NUP205: variants seen among roughly 807,000 people sequenced by gnomAD.
NUP205 encodes the protein nuclear pore complex protein Nup205.
A neutral mutation model predicts 253.8 loss-of-function variants in NUP205; 76 were observed. The observed-to-expected ratio is 0.30, with a 90% CI of 0.25 to 0.36. The LOEUF (loss-of-function observed/expected upper bound fraction) is 0.36. NUP205 is among the 10% of genes least tolerant of loss of function. The pLI, the probability that NUP205 is intolerant of heterozygous loss-of-function variation, is 1.00. For missense variants in NUP205, 2,162 were observed against 2,425.5 expected (o/e 0.89, Z 2.28); for synonymous variants, 832 against 850.1 (o/e 0.98, Z 0.37).
At chr7:135,640,642 A>T (rs986665415) in intron 38 of NUP205, among the ~76,000 whole-genome samples, 1 of 152,172 alleles carries the variant, frequency 6.6e-6, no homozygotes, top group African/African-American at 2.4e-5. Flanking sequence ...GGAGAAGAGT[A>T]CTGACTGGTA....
At chr7:135,567,130 A>ATATG (rs1563108025) in intron 1 of NUP205, among the ~76,000 whole-genome samples, 4 of 2,424 alleles carry the variant, frequency 1.7e-3, no homozygotes, top group African/African-American at 4.9e-3. Flanking sequence ...CTATGTGTGT[A>ATATG]TATATATATA....
chr7:135,626,059 T>C (rs1794582620), intron 32 of NUP205, among the ~76,000 whole-genome samples, 181 bp from the exon 33 acceptor site: 1 of 152,196 alleles, frequency 6.6e-6, no homozygotes, highest in Non-Finnish European at 1.5e-5. Context: ...TTAGATATGT[T>C]GAACACTGAG....
intron 7 of NUP205, among the ~76,000 whole-genome samples, chr7:135,583,138 G>A (rs1223293136): frequency 6.6e-6 from 1 of 152,006 alleles, no homozygotes; most frequent in African/African-American, 2.4e-5. Context: ...CAAATCATAT[G>A]TTTTCCTCTG....
At chr7:135,583,331 C>T (rs1486964320) in intron 7 of NUP205, among the ~76,000 whole-genome samples, 2 of 152,028 alleles carry the variant, frequency 1.3e-5, no homozygotes, top group African/African-American at 4.8e-5. Flanking sequence ...AATTTAAGAG[C>T]AGTAATCAGC....
At chr7:135,629,349 G>A (rs1171611881) in intron 34 of NUP205, among the ~76,000 whole-genome samples, 2 of 152,138 alleles carry the variant, frequency 1.3e-5, no homozygotes, top group South Asian at 2.1e-4. Context: ...CGCATCAAAA[G>A]GAGAGTTATG....
intron 11 of NUP205, among the ~76,000 whole-genome samples, chr7:135,592,466 A>G (rs188204386): frequency 5.9e-5 from 9 of 152,318 alleles, no homozygotes; most frequent in African/African-American, 1.9e-4. Context: ...CCCTTTCTTG[A>G]GTAAAAGTTA....
intron 8 of NUP205, among the ~76,000 whole-genome samples, chr7:135,586,028 T>G (rs1212503836): frequency 6.6e-6 from 1 of 152,130 alleles, no homozygotes; most frequent in Non-Finnish European, 1.5e-5. Context: ...CTCTGTGTGC[T>G]GTTTTGTGCC....
intron 1 of NUP205, among the ~76,000 whole-genome samples, chr7:135,559,062 T>C (rs1194872296): frequency 6.6e-6 from 1 of 152,220 alleles, no homozygotes; most frequent in Non-Finnish European, 1.5e-5. Flanking sequence ...CTCATTCAGT[T>C]CCCGTTTATA....
rs757435410 is a variant in NUP205, at chr7:135,616,025, A to G, written c.3420A>G (p.Leu1140=). The part of the protein sequence containing the change: ...NRQRSHTQRL[L]HLLLDDMPVK... ...AGCGGTCACATACCCAGAGGCTCCTACACCTCTTACTGGATGACATGCCAG... is the reference window on the plus strand; with the variant it reads ...AGCGGTCACATACCCAGAGGCTCCTGCACCTCTTACTGGATGACATGCCAG... Residue 1140 remains leucine, a synonymous_variant, in exon 24 of 43, where the codon CTA becomes CTG. Transcript: ENST00000285968. 1.2e-6 allele frequency: 2 copies of G among 1,613,786 alleles called. No homozygotes were observed. The highest frequency in any genetic ancestry group is 1.7e-6 in the Non-Finnish European group (2 of 1,179,760).
chr7:135,579,791 C>A, intron 7 of NUP205, among the ~76,000 whole-genome samples: 1 of 151,904 alleles, frequency 6.6e-6, no homozygotes, highest in Non-Finnish European at 1.5e-5. Flanking sequence ...ACTACAGGCA[C>A]ACGCCACCAC....
chr7:135,635,599 A>G lies in NUP205; in HGVS notation c.5078A>G (p.Asp1693Gly). The G allele has an allele frequency of 6.3e-7, 1 of 1,582,212 alleles. No individual in the cohort carries two copies. Among genetic ancestry groups the G allele is most frequent in the Non-Finnish European group, 8.7e-7 (1 of 1,153,806 alleles). The stretch of plus-strand genomic sequence containing the variant: ...TTTATAGGAATATTAAGTGAACTTG[A>G]CGTTGATGTAAATGAAGGGTCTCTA... ...AALPGILSEL[D>G]VDVNEGSLME... is the part of the protein sequence containing the mutation. The change falls in exon 36 of 43, where the codon GAC becomes GGC. Residue 1693 changes from aspartate (D) to glycine (G), a missense_variant. Around this residue, in one of 5 missense-constraint regions of NUP205, gnomAD observed 1,144 missense variants for 1,280.9 expected, o/e 0.89. Transcript: ENST00000285968.
At position 135,646,090 on chromosome 7, in the gene NUP205, C is replaced by T. The variant is rs1451379542; in HGVS notation, c.5813-68C>T. 7.3e-6 allele frequency: 7 copies of T among 953,026 alleles called. No individual in the cohort carries two copies. The East Asian group carries it at 9.6e-5, about 13-fold the overall frequency. 59.0% of individuals were successfully genotyped at this position (953,026 alleles called of 1,614,324 possible). On this transcript the variant is annotated intron_variant, in intron 41 of 42. Coordinates refer to ENST00000285968, the MANE Select transcript of NUP205 (RefSeq NM_015135.3). ...TGCTATTGTTATTATTCATTGTCAT[C>T]AGGTTCCTCCACTGTGTGGTAGATA...
intron 6 of NUP205, 131 bp downstream of exon 6, chr7:135,578,155 T>C (rs1341764590): frequency 1.6e-6 from 1 of 611,804 alleles, no homozygotes; most frequent in Non-Finnish European, 2.8e-6. Context: ...TCCGTTCATA[T>C]TTGAATATTT....
chr7:135,644,916 G>A lies in NUP205; in HGVS notation c.5581G>A (p.Ala1861Thr). The A allele has an allele frequency of 6.2e-7, 1 of 1,613,970 alleles. No individual in the cohort carries two copies. Among genetic ancestry groups the A allele is most frequent in the Non-Finnish European group, 8.5e-7 (1 of 1,179,900 alleles). ...IKELCQSVMP[A>T]GVDKISTAQK... Reference sequence around the variant, plus strand: ...CTAGTTGTGTCAGTCTGTGATGCCTGCTGGTGTTGATAAAATCTCCACTGC... The same window carrying A: ...CTAGTTGTGTCAGTCTGTGATGCCTACTGGTGTTGATAAAATCTCCACTGC... Residue 1861 changes from alanine to threonine, a missense_variant, in exon 40 of 43, where the codon GCT becomes ACT. Physicochemically the swap from Ala to Thr is moderately conservative, Grantham distance 58. Around this residue, in one of 5 missense-constraint regions of NUP205, gnomAD observed 1,144 missense variants for 1,280.9 expected, o/e 0.89. Coordinates refer to ENST00000285968, the MANE Select transcript of NUP205 (RefSeq NM_015135.3).
chr7:135,571,110 A>G lies in NUP205; in HGVS notation c.34A>G (p.Ser12Gly). The stretch of plus-strand genomic sequence containing the variant: ...TCATTTATTTTTTCTTTAAGCTGCT[A>G]GTCTATGGGGTCCTTACAAAGACAT... ...ATPLAVNSAA[S>G]LWGPYKDIWH... Residue 12 changes from serine to glycine, a missense_variant, in exon 2 of 43, where the codon AGT becomes GGT. By Grantham distance (56) the Ser-to-Gly change is moderately conservative. Around this residue, in one of 5 missense-constraint regions of NUP205, gnomAD observed 109 missense variants for 131.8 expected, o/e 0.83. Transcript: ENST00000285968. 2 of 1,549,482 alleles carry G rather than the reference A, an allele frequency of 1.3e-6. No individual in the cohort carries two copies. Among genetic ancestry groups the G allele is most frequent in the East Asian group, 2.5e-5 (1 of 39,286 alleles).
intron 1 of NUP205, among the ~76,000 whole-genome samples, chr7:135,570,830 AT>A (rs1466201600): frequency 3.7e-5 from 1 of 27,050 alleles, no homozygotes; most frequent in Non-Finnish European, 8.2e-5. Flanking sequence ...TAATATATAA[AT>A]TATATATTAT....
At chr7:135,607,019 G>A (rs927086475) in intron 21 of NUP205, 104 bp downstream of exon 21, 87 of 1,287,562 alleles carry the variant, frequency 6.8e-5, no homozygotes, top group Admixed American at 5.5e-4. Flanking sequence ...GAAAGAAAAA[G>A]TGTAAGAAAG....
At chr7:135,605,853 A>G (rs897045980) in intron 19 of NUP205, among the ~76,000 whole-genome samples, 1 of 144,290 alleles carries the variant, frequency 6.9e-6, no homozygotes, top group African/African-American at 2.5e-5. Flanking sequence ...CAATTTCGTG[A>G]TTTTTTTTTT....
At position 135,593,146 on chromosome 7, in the gene NUP205, A is replaced by C; in HGVS notation, c.1784A>C (p.Asp595Ala). 4 of 1,614,102 alleles carry C rather than the reference A, an allele frequency of 2.5e-6. No homozygotes were observed. Among genetic ancestry groups the C allele is most frequent in the Non-Finnish European group, 2.5e-6 (3 of 1,179,998 alleles). ...PSRGITQKEQDGLIAFLQLTS... is the reference protein window; with the variant it reads ...PSRGITQKEQAGLIAFLQLTS... ...CGTGGCATCACCCAGAAGGAGCAAGATGGATTGATTGCTTTTTTGCAGCTC... is the reference window on the plus strand; with the variant it reads ...CGTGGCATCACCCAGAAGGAGCAAGCTGGATTGATTGCTTTTTTGCAGCTC... Residue 595 changes from aspartate to alanine, a missense_variant, in exon 12 of 43, where the codon GAT becomes GCT. Physicochemically the swap from Asp to Ala is moderately radical, Grantham distance 126 (BLOSUM62 -2). This residue lies in a region of NUP205 where 892 missense variants were observed against 957.1 expected (regional missense o/e 0.93). Coordinates refer to ENST00000285968, the MANE Select transcript of NUP205 (RefSeq NM_015135.3).
Sources: allele counts gnomAD v4.1 joint callset (sites outside exome capture counted in the v4.1 genomes callset), GRCh38; gene constraint gnomAD v4.1.1; regional missense constraint gnomAD v4.1.1; transcripts MANE v1.5; gene names NCBI Gene and HGNC (gene_info 2026-07-23, HGNC 2026-07-21).